Variants in HPSE2 observed in about 807,000 individuals in gnomAD.
HPSE2 encodes the protein heparanase 2 (inactive).
HPSE2 carries 38 observed loss-of-function variants against 60.5 expected under a neutral mutation model. The observed-to-expected ratio is 0.63, with a 90% CI of 0.48 to 0.82. HPSE2 has a LOEUF of 0.82. Among genes scored for constraint, HPSE2 ranks in the 40% least tolerant of loss-of-function variants. HPSE2 has a pLI of 0.00. For synonymous variants in HPSE2, 295 were observed against 293.2 expected (o/e 1.01, Z -0.06); for missense variants, 713 against 740.4 (o/e 0.96, Z 0.43).
At chr10:98,699,146 C>A (rs1948327514) in intron 5 of HPSE2, among the ~76,000 whole-genome samples, 1 of 151,860 alleles carries the variant, frequency 6.6e-6, no homozygotes, top group Non-Finnish European at 1.5e-5. Flanking sequence ...TTTTATGAGG[C>A]CAGCATCATC....
At chr10:99,204,581 A>C (rs1470232965) in intron 2 of HPSE2, among the ~76,000 whole-genome samples, 1 of 152,242 alleles carries the variant, frequency 6.6e-6, no homozygotes, top group African/African-American at 2.4e-5. Context: ...GGAGATGTAT[A>C]AACCGCCTGA....
chr10:98,834,170 C>A (rs1197338121), intron 3 of HPSE2, among the ~76,000 whole-genome samples: 1 of 152,052 alleles, frequency 6.6e-6, no homozygotes, highest in Non-Finnish European at 1.5e-5. Flanking sequence ...AGCTTCCTTA[C>A]TATAAGGACT....
In HPSE2 at chr10:98,936,958, G is replaced by A. The variant is rs1162298663; in HGVS notation, c.611-192902C>T. Among the ~76,000 whole-genome samples the A allele has an allele frequency of 7.2e-5, 7 of 96,768 alleles. 1 individual carries two copies. Among genetic ancestry groups the A allele is most frequent in the South Asian group, 3.2e-4 (1 of 3,096 alleles). 63.5% of individuals were successfully genotyped at this position (96,768 alleles called of 152,430 possible). A position where few individuals can be genotyped will look rare whatever the true frequency, so the allele number is the denominator to read the frequency against. ...AGCACTACTACACTCCAAACTGGGC[G>A]ACAGTAGGAGACTCCATCTCAAAAA... On this transcript the variant is annotated intron_variant, in intron 3 of 11. Transcript: ENST00000370552.
At chr10:98,695,239 G>C (rs968330781) in intron 5 of HPSE2, among the ~76,000 whole-genome samples, 56 of 152,274 alleles carry the variant, frequency 3.7e-4, no homozygotes, top group African/African-American at 1.3e-3. Flanking sequence ...GTCTGAGAAA[G>C]GGGGAAGAAA....
intron 3 of HPSE2, among the ~76,000 whole-genome samples, chr10:99,118,263 T>C (rs1052331497): frequency 5.3e-5 from 8 of 151,982 alleles, no homozygotes; most frequent in Non-Finnish European, 1.0e-4. Context: ...GTAGCTCACG[T>C]CTATAATCCC....
At chr10:98,982,509 A>C (rs954546769) in intron 3 of HPSE2, among the ~76,000 whole-genome samples, 3 of 152,208 alleles carry the variant, frequency 2.0e-5, no homozygotes, top group Non-Finnish European at 2.9e-5. Flanking sequence ...AAAACAAATA[A>C]ATTTTTATCT....
chr10:98,872,538 T>C (rs1952761379), intron 3 of HPSE2, among the ~76,000 whole-genome samples: 1 of 152,154 alleles, frequency 6.6e-6, no homozygotes, highest in Non-Finnish European at 1.5e-5. Context: ...TAAATACTTA[T>C]ATTTACTTCA....
chr10:98,756,385 G>C (rs1032967108), intron 3 of HPSE2, among the ~76,000 whole-genome samples: 4 of 151,924 alleles, frequency 2.6e-5, no homozygotes, highest in African/African-American at 9.7e-5. Context: ...AAAACTAAAA[G>C]TTTGTTTTTT....
chr10:98,589,821 T>G (rs531595317), intron 9 of HPSE2, among the ~76,000 whole-genome samples: 5 of 152,342 alleles, frequency 3.3e-5, no homozygotes, highest in African/African-American at 1.2e-4. Context: ...ACTTTTGTCC[T>G]CAGCCATGAC....
At chr10:99,145,348 T>A (rs1184561640) in intron 2 of HPSE2, among the ~76,000 whole-genome samples, 1 of 144,034 alleles carries the variant, frequency 6.9e-6, no homozygotes, top group African/African-American at 2.5e-5. Context: ...TCCCAGCTAT[T>A]TGGGAGGCTG....
rs548643199 is a variant in HPSE2 at position 98,885,685 on chromosome 10, G to GT, written c.611-141630dup. Among the ~76,000 whole-genome samples, 134 of 151,514 alleles carry GT rather than the reference G, an allele frequency of 8.8e-4. 1 individual carries two copies. The highest frequency in any genetic ancestry group is 3.3e-4 in the Admixed American group (5 of 15,202). On this transcript the variant is annotated intron_variant, in intron 3 of 11. Transcript: ENST00000370552. ...ATTGTCAGCATTTTTTGCCACTAAA[G>GT]TTTTTTTTTAATTAATGTATGTACT...
intron 3 of HPSE2, among the ~76,000 whole-genome samples, chr10:99,084,135 C>T (rs1444733949): frequency 2.6e-5 from 4 of 151,964 alleles, no homozygotes; most frequent in African/African-American, 9.7e-5. Context: ...GTCTTGTGCC[C>T]TTTGCAGCAA....
In HPSE2 at chr10:99,160,459, TCA is replaced by T. The variant is rs578008743; in HGVS notation, c.449-16062_449-16061del. On this transcript the variant is annotated intron_variant, in intron 2 of 11. Coordinates refer to ENST00000370552, the MANE Select transcript of HPSE2 (RefSeq NM_021828.5). ...CAAGAATGTGGAGAAACAAGAGCCC[TCA>T]CACATTGCTGGTGGGAATGTAAAAC... Among the ~76,000 whole-genome samples, 74 of 152,270 alleles carry T rather than the reference TCA, an allele frequency of 4.9e-4. No homozygotes were observed. The South Asian group carries it at 0.015, about 31-fold the overall frequency.
At chr10:98,782,883 G>T (rs1950505932) in intron 3 of HPSE2, among the ~76,000 whole-genome samples, 1 of 131,594 alleles carries the variant, frequency 7.6e-6, no homozygotes, top group Non-Finnish European at 1.6e-5. Context: ...AGAATAATGG[G>T]TTGAGTGGGT....
intron 11 of HPSE2, among the ~76,000 whole-genome samples, chr10:98,470,523 T>G (rs1400360459): frequency 6.6e-6 from 1 of 152,216 alleles, no homozygotes; most frequent in Non-Finnish European, 1.5e-5. Flanking sequence ...CAGGCCCCAC[T>G]ATAGGGATAA....
chr10:98,814,118 T>A (rs894116443), intron 3 of HPSE2, among the ~76,000 whole-genome samples: 1 of 152,180 alleles, frequency 6.6e-6, no homozygotes, highest in Admixed American at 6.5e-5. Flanking sequence ...GCCTTTCCAC[T>A]ATACCCTTAT....
chr10:99,210,498 G>T (rs1848919474), intron 2 of HPSE2, among the ~76,000 whole-genome samples: 1 of 152,176 alleles, frequency 6.6e-6, no homozygotes, highest in South Asian at 2.1e-4. Context: ...TATCTCTGAT[G>T]AATATAGTTG....
At chr10:98,747,500 A>C (rs1162893880) in intron 3 of HPSE2, among the ~76,000 whole-genome samples, 1 of 152,246 alleles carries the variant, frequency 6.6e-6, no homozygotes, top group Non-Finnish European at 1.5e-5. Flanking sequence ...GGCAAGGCAA[A>C]ATGTATTTAC....
At chr10:99,156,265 T>C (rs1374882008) in intron 2 of HPSE2, among the ~76,000 whole-genome samples, 3 of 117,336 alleles carry the variant, frequency 2.6e-5, no homozygotes, top group African/African-American at 8.3e-5. Flanking sequence ...CCAGCATCAT[T>C]CTGATACCAA....
Sources: allele counts gnomAD v4.1 joint callset (sites outside exome capture counted in the v4.1 genomes callset), GRCh38; gene constraint gnomAD v4.1.1; transcripts MANE v1.5; gene names NCBI Gene and HGNC (gene_info 2026-07-23, HGNC 2026-07-21).